The following NF2 variants were observed in gnomAD, a reference collection of about 807,000 sequenced individuals.
The protein encoded by NF2 is merlin.
Under a neutral mutation model 83.7 loss-of-function variants are expected in NF2, and 8 were observed. The ratio of observed to expected loss-of-function variants is 0.10; its 90% CI spans 0.06 to 0.17. The LOEUF (loss-of-function observed/expected upper bound fraction) is 0.17, where lower values mean the gene tolerates loss of function less well. NF2 is among the 10% of genes least tolerant of loss of function. The pLI is 1.00. For synonymous variants in NF2, 266 were observed against 269.6 expected, an observed-to-expected ratio of 0.99 and a Z score of 0.13; for missense variants, 533 against 744.4, an observed-to-expected ratio of 0.72 and a Z score of 3.31.
intron 15 of NF2, among the ~76,000 whole-genome samples, chr22:29,691,711 C>G (rs2067409736): frequency 6.6e-6 from 1 of 152,204 alleles, no homozygotes; most frequent in Non-Finnish European, 1.5e-5. Flanking sequence ...AGCCTGCCCA[C>G]TGGAGGGGCG....
chr22:29,636,430 A>G lies in NF2; in HGVS notation c.115-321A>G, dbSNP rs2065649076. 6.6e-6 allele frequency among the ~76,000 whole-genome samples: 1 copy of G among 152,212 alleles called. No homozygotes were observed. The highest frequency in any genetic ancestry group is 1.5e-5 in the Non-Finnish European group (1 of 68,036). On this transcript the variant is annotated intron_variant, in intron 1 of 15. Transcript: ENST00000338641. This position sits in a 1 kb window ranked among gnomAD's most constrained non-coding sequence, Gnocchi z 4.4. ...CTAGCCATCTCCCCGAGTTAACTTA[A>G]GAGGCTAGACTCTCCTAAATGAGGA...
chr22:29,673,174 G>C, intron 11 of NF2, 95 bp from the exon 12 acceptor site: 1 of 1,361,776 alleles, frequency 7.3e-7, no homozygotes, highest in Non-Finnish European at 1.0e-6. Context: ...CCAGGAGTCC[G>C]AGACTCTGGT....
At chr22:29,607,465 A>G (rs2064828523) in intron 1 of NF2, among the ~76,000 whole-genome samples, 2 of 152,214 alleles carry the variant, frequency 1.3e-5, no homozygotes, top group South Asian at 4.1e-4. Flanking sequence ...AGGCCTTAAC[A>G]CTTTTCAGGG....
intron 1 of NF2, among the ~76,000 whole-genome samples, chr22:29,619,091 C>G (rs185237430): frequency 1.6e-4 from 24 of 152,054 alleles, no homozygotes; most frequent in Admixed American, 1.1e-3. Context: ...ACTCTTGTTG[C>G]CCAGACTGGA....
chr22:29,636,213 G>A lies in NF2; in HGVS notation c.115-538G>A, dbSNP rs746937591. ...TCCTTGACAGGACAGACCTGTGATT[G>A]GACTGTCTGGTCTCTCATGGTTCTT... On this transcript the variant is annotated intron_variant, in intron 1 of 15. Transcript: ENST00000338641. The surrounding 1 kb of genome is among the most constrained non-coding windows in gnomAD (Gnocchi z 4.4). Among the ~76,000 whole-genome samples, 38 of 151,996 alleles carry A rather than the reference G, an allele frequency of 2.5e-4. No individual in the cohort carries two copies. The highest frequency in any genetic ancestry group is 3.4e-4 in the Non-Finnish European group (23 of 68,024).
At chr22:29,682,887 C>A (rs1601669376) in intron 15 of NF2, 1 of 1,085,960 alleles carries the variant, frequency 9.2e-7, no homozygotes, top group Non-Finnish European at 1.4e-6. Context: ...GACCCCGTTC[C>A]AAGCCATTAA....
At chr22:29,621,209 G>A (rs1259230382) in intron 1 of NF2, among the ~76,000 whole-genome samples, 1 of 152,170 alleles carries the variant, frequency 6.6e-6, no homozygotes, top group African/African-American at 2.4e-5. Context: ...TGTTGGGGCC[G>A]CTGAGGCAGC....
chr22:29,668,409 T>C lies in NF2; in HGVS notation c.962T>C (p.Met321Thr), dbSNP rs2066688680. The part of the protein sequence containing the change: ...RKADSLEVQQ[M>T]KAQAREEKAR... ...GCCGATTCTTTGGAAGTTCAGCAGA[T>C]GAAAGCCCAGGCCAGGGAGGAGAAG... The change falls in exon 10 of 16, where the codon ATG becomes ACG. Residue 321 changes from methionine to threonine, a missense_variant. Physicochemically the swap from Met to Thr is moderately conservative, Grantham distance 81. Around this residue, in one of 3 missense-constraint regions of NF2, gnomAD observed 326 missense variants for 475.1 expected, o/e 0.69. Coordinates refer to ENST00000338641, the MANE Select transcript of NF2 (RefSeq NM_000268.4). 6.2e-7 allele frequency: 1 copy of C among 1,613,938 alleles called. No homozygotes were observed. The highest frequency in any genetic ancestry group is 8.5e-7 in the Non-Finnish European group (1 of 1,179,874).
chr22:29,682,834 C>T, intron 15 of NF2: 2 of 687,250 alleles, frequency 2.9e-6, no homozygotes, highest in South Asian at 3.3e-5. Context: ...CTGCAATGAG[C>T]AGTGCCCTCA....
At position 29,685,199 on chromosome 22, in the gene NF2, A is replaced by G. The variant is rs148451476; in HGVS notation, c.1737+3598A>G. On this transcript the variant is annotated intron_variant, in intron 15 of 15. Coordinates refer to ENST00000338641, the MANE Select transcript of NF2 (RefSeq NM_000268.4). The stretch of plus-strand genomic sequence containing the variant: ...CTCGGCTCACTGCAACCTCCACCTC[A>G]CAGGCTCAAGTGATCCTCCTGCCTC... 6.6e-3 allele frequency among the ~76,000 whole-genome samples: 995 copies of G among 151,834 alleles called. 4 individuals are homozygous for G. Among genetic ancestry groups the G allele is most frequent in the Non-Finnish European group, 0.012 (825 of 67,934 alleles).
intron 13 of NF2, 89 bp from the exon 14 acceptor site, chr22:29,678,107 G>A (rs1821708487): frequency 1.3e-6 from 2 of 1,583,062 alleles, no homozygotes; most frequent in African/African-American, 1.3e-5. Flanking sequence ...CATTGCCTCT[G>A]TGGCTGCTGG....
chr22:29,695,002 A>G lies in NF2; in HGVS notation c.*200A>G, dbSNP rs2067509153. On this transcript the variant is annotated 3_prime_UTR_variant, in exon 16 of 16. Transcript: ENST00000338641. This position sits in a 1 kb window ranked among gnomAD's most constrained non-coding sequence, Gnocchi z 5.4. ...CTACGACCCTGTAGAGATTTCTCTC[A>G]TGGCGTTCTAGTTCTCTGACCTGAG... 3.1e-6 allele frequency: 2 copies of G among 641,158 alleles called. No individual in the cohort carries two copies. The highest frequency in any genetic ancestry group is 1.8e-5 in the African/African-American group (1 of 55,056). 39.7% of individuals were successfully genotyped at this position (641,158 alleles called of 1,614,324 possible). A position where few individuals can be genotyped will look rare whatever the true frequency, so the allele number is the denominator to read the frequency against.
At chr22:29,645,380 C>T (rs914245267) in intron 4 of NF2, among the ~76,000 whole-genome samples, 2 of 152,174 alleles carry the variant, frequency 1.3e-5, no homozygotes, top group African/African-American at 2.4e-5. Context: ...GGGTAGAATT[C>T]ATGGCTTTGA....
chr22:29,641,348 A>C (rs180787157), intron 3 of NF2, among the ~76,000 whole-genome samples: 1 of 152,280 alleles, frequency 6.6e-6, no homozygotes, highest in East Asian at 1.9e-4. Flanking sequence ...AGAATGTCCT[A>C]ATGTTATAGA....
intron 12 of NF2, 118 bp from the exon 13 acceptor site, chr22:29,674,718 C>A: frequency 1.2e-6 from 1 of 807,378 alleles, no homozygotes; most frequent in Non-Finnish European, 2.1e-6. Flanking sequence ...TCCTTTTTCA[C>A]CTCTTTGGGT....
At chr22:29,678,412 C>T (rs945928913) in intron 14 of NF2, 89 bp downstream of exon 14, 60 of 1,490,028 alleles carry the variant, frequency 4.0e-5, no homozygotes, top group African/African-American at 5.5e-5. Context: ...GGTGAGAGGT[C>T]GCTGCAGCAG....
At chr22:29,657,685 A>G (rs1029893132) in intron 6 of NF2, among the ~76,000 whole-genome samples, 4 of 152,218 alleles carry the variant, frequency 2.6e-5, no homozygotes, top group African/African-American at 7.2e-5. Flanking sequence ...ACTTAGATGA[A>G]GGTGATCTGA....
intron 1 of NF2, among the ~76,000 whole-genome samples, chr22:29,604,335 G>A (rs1217583803): frequency 6.6e-6 from 1 of 152,182 alleles, no homozygotes; most frequent in Non-Finnish European, 1.5e-5. Flanking sequence ...GGAAGAAGCT[G>A]GATGCTCCTG....
chr22:29,649,069 C>G (rs895299260), intron 4 of NF2, among the ~76,000 whole-genome samples: 1 of 151,784 alleles, frequency 6.6e-6, no homozygotes, highest in Non-Finnish European at 1.5e-5. Flanking sequence ...TGGATAATAT[C>G]TCTCTATAAT....
Sources: gnomAD v4.1 joint callset for allele counts (sites outside exome capture counted in the v4.1 genomes callset) on GRCh38, gnomAD v4.1.1 for gene constraint, gnomAD v4.1.1 regional missense constraint, Gnocchi (gnomAD v3.1) non-coding constraint, MANE v1.5 for transcripts, NCBI Gene and HGNC (gene_info 2026-07-23, HGNC 2026-07-21) for gene names.